The following LCOR variants were observed in gnomAD, a reference collection of about 807,000 sequenced individuals.
LCOR encodes ligand-dependent corepressor.
In LCOR, 14 loss-of-function variants were observed where a neutral mutation model predicts 64.4. That is an observed-to-expected ratio of 0.22 (90% CI 0.14 to 0.34). The LOEUF (loss-of-function observed/expected upper bound fraction) is 0.34. LCOR is among the 10% of genes least tolerant of loss of function. The pLI is 1.00. For synonymous variants in LCOR, 643 were observed against 642.5 expected, an observed-to-expected ratio of 1.00 and a Z score of -0.01; for missense variants, 1,686 against 1,765.3, an observed-to-expected ratio of 0.96 and a Z score of 0.80.
intron 2 of LCOR, among the ~76,000 whole-genome samples, chr10:96,855,625 G>A (rs373032530): frequency 1.5e-4 from 22 of 151,546 alleles, no homozygotes; most frequent in East Asian, 5.8e-4. Context: ...TAGTAGAGAC[G>A]GGGTTTCACC....
chr10:96,845,505 C>T (rs1270853886), intron 2 of LCOR, among the ~76,000 whole-genome samples: 4 of 109,300 alleles, frequency 3.7e-5, no homozygotes, highest in African/African-American at 1.1e-4. Flanking sequence ...GTCTCGCTGT[C>T]GCCCAGGTTG....
intron 2 of LCOR, among the ~76,000 whole-genome samples, chr10:96,877,341 T>C (rs1268464020): frequency 6.6e-6 from 1 of 151,978 alleles, no homozygotes; most frequent in Non-Finnish European, 1.5e-5. Flanking sequence ...CTGGGCAACA[T>C]GGTGAAAACC....
chr10:96,916,596 T>TAG (rs910488222), intron 4 of LCOR, among the ~76,000 whole-genome samples: 3 of 149,018 alleles, frequency 2.0e-5, no homozygotes, highest in African/African-American at 7.5e-5. Context: ...GCTATATATA[T>TAG]ATATATATAT....
chr10:96,905,283 G>C (rs968125629), intron 2 of LCOR, among the ~76,000 whole-genome samples: 1 of 152,008 alleles, frequency 6.6e-6, no homozygotes, highest in Admixed American at 6.6e-5. Context: ...CGAAAATTTG[G>C]AATTTGTTAC....
intron 2 of LCOR, among the ~76,000 whole-genome samples, chr10:96,870,350 T>TAAAC (rs374642664): frequency 4.6e-5 from 7 of 152,112 alleles, no homozygotes; most frequent in Non-Finnish European, 7.4e-5. Context: ...AGGAAAGATT[T>TAAAC]AAACAAACAA....
At chr10:96,898,129 A>C (rs1846573340) in intron 2 of LCOR, among the ~76,000 whole-genome samples, 1 of 152,142 alleles carries the variant, frequency 6.6e-6, no homozygotes, top group Non-Finnish European at 1.5e-5. Context: ...TCTTTGCTGA[A>C]AATCTAGCGG....
chr10:96,868,699 T>C (rs1846019619), intron 2 of LCOR, among the ~76,000 whole-genome samples: 2 of 152,164 alleles, frequency 1.3e-5, no homozygotes, highest in Admixed American at 6.5e-5. Flanking sequence ...CCCCCAGCAG[T>C]ATTATACTAT....
intron 2 of LCOR, among the ~76,000 whole-genome samples, chr10:96,845,398 T>C (rs1247012733): frequency 6.6e-6 from 1 of 151,162 alleles, no homozygotes; most frequent in East Asian, 2.0e-4. Flanking sequence ...TGAATTTTTA[T>C]TCATCTAGTA....
At chr10:96,901,713 T>A (rs1191103715) in intron 2 of LCOR, among the ~76,000 whole-genome samples, 2 of 152,230 alleles carry the variant, frequency 1.3e-5, no homozygotes, top group Non-Finnish European at 2.9e-5. Context: ...CTTTGACACT[T>A]CACTATACAA....
At chr10:96,975,158 G>A (rs1280695010) in intron 7 of LCOR, among the ~76,000 whole-genome samples, 1 of 152,172 alleles carries the variant, frequency 6.6e-6, no homozygotes, top group East Asian at 1.9e-4. Context: ...GCGACAGAGG[G>A]AGACTCTATC....
rs1451149678 is a variant in LCOR, at chr10:96,993,560, G to A, written c.*8426G>A. 1.3e-5 allele frequency: 2 copies of A among 152,006 alleles called. No individual in the cohort carries two copies. Among genetic ancestry groups the A allele is most frequent in the Admixed American group, 6.6e-5 (1 of 15,258 alleles). 9.4% of individuals were successfully genotyped at this position (152,006 alleles called of 1,614,324 possible). On this transcript the variant is annotated 3_prime_UTR_variant, in exon 8 of 8. Coordinates refer to ENST00000421806, the MANE Select transcript of LCOR (RefSeq NM_001346516.2). ...TGCTGTATACAAATTCATGTTCTGA[G>A]TGATGTTGGTTTGCATTGTAGTATT... is the stretch of plus-strand genomic sequence containing the variant.
At chr10:96,896,022 CAGTGTG>C (rs1326172870) in intron 2 of LCOR, among the ~76,000 whole-genome samples, 3 of 152,082 alleles carry the variant, frequency 2.0e-5, no homozygotes, top group Admixed American at 6.6e-5. Flanking sequence ...TTTGAGGTTA[CAGTGTG>C]CTGTGATTGT....
At chr10:96,843,772 T>C (rs1223841631) in intron 2 of LCOR, among the ~76,000 whole-genome samples, 1 of 152,246 alleles carries the variant, frequency 6.6e-6, no homozygotes, top group African/African-American at 2.4e-5. Context: ...TGTATCCTTT[T>C]GTATGGCACC....
At chr10:96,912,952 T>G (rs1001445163) in intron 4 of LCOR, among the ~76,000 whole-genome samples, 20 of 152,240 alleles carry the variant, frequency 1.3e-4, no homozygotes, top group Non-Finnish European at 4.4e-5. Flanking sequence ...TGGATTATAA[T>G]TCATTACAGT....
intron 2 of LCOR, among the ~76,000 whole-genome samples, chr10:96,864,319 C>G (rs1845935063): frequency 6.6e-6 from 1 of 152,288 alleles, no homozygotes; most frequent in Middle Eastern, 3.4e-3. Context: ...AAAATGTTCT[C>G]TGTCAAATAA....
chr10:96,844,548 C>T (rs1435558715), intron 2 of LCOR, among the ~76,000 whole-genome samples: 1 of 152,170 alleles, frequency 6.6e-6, no homozygotes, highest in African/African-American at 2.4e-5. Flanking sequence ...CTGGCTTTGA[C>T]TAGAATACCT....
At chr10:96,973,361 C>G (rs1373687688) in intron 7 of LCOR, among the ~76,000 whole-genome samples, 1 of 152,204 alleles carries the variant, frequency 6.6e-6, no homozygotes, top group Non-Finnish European at 1.5e-5. Flanking sequence ...TCCATTATGT[C>G]TACACAACTT....
At chr10:96,843,581 T>C (rs1845578192) in intron 2 of LCOR, among the ~76,000 whole-genome samples, 1 of 152,214 alleles carries the variant, frequency 6.6e-6, no homozygotes, top group Non-Finnish European at 1.5e-5. Flanking sequence ...AGCCATATCA[T>C]TTAAAGGGAA....
intron 2 of LCOR, among the ~76,000 whole-genome samples, chr10:96,865,613 G>T (rs1011720115): frequency 6.6e-6 from 1 of 152,100 alleles, no homozygotes; most frequent in African/African-American, 2.4e-5. Context: ...GGTGGCTCAC[G>T]CCTGTAATCC....
Sources: allele counts gnomAD v4.1 joint callset (sites outside exome capture counted in the v4.1 genomes callset), GRCh38; gene constraint gnomAD v4.1.1; transcripts MANE v1.5; gene names NCBI Gene and HGNC (gene_info 2026-07-23, HGNC 2026-07-21).